Variants in GLIS3 observed in about 807,000 individuals in gnomAD.
GLIS3 encodes the protein GLIS family zinc finger 3, also known as zinc finger protein GLIS3.
GLIS3 carries 53 observed loss-of-function variants against 78.6 expected under a neutral mutation model. The ratio of observed to expected loss-of-function variants is 0.67; its 90% CI spans 0.54 to 0.85. The LOEUF (loss-of-function observed/expected upper bound fraction) is 0.85. GLIS3 is among the 40% of genes least tolerant of loss of function. The pLI is 0.00. For missense variants in GLIS3, 1,703 were observed against 1,231.1 expected (o/e 1.38, Z -5.74); for synonymous variants, 684 against 509.9 (o/e 1.34, Z -4.60).
the GLIS3 span, among the ~76,000 whole-genome samples, chr9:4,467,215 G>A: frequency 6.6e-6 from 1 of 152,202 alleles, no homozygotes; most frequent in South Asian, 2.1e-4. Flanking sequence ...GCAGGGAATA[G>A]CTGAACAAAA....
chr9:4,061,812 T>C (rs1826679140), intron 4 of GLIS3, among the ~76,000 whole-genome samples: 1 of 152,212 alleles, frequency 6.6e-6, no homozygotes, highest in African/African-American at 2.4e-5. Context: ...CCCTGAAGAA[T>C]TATGCAAGAA....
At chr9:4,102,967 A>G (rs1431685050) in intron 4 of GLIS3, among the ~76,000 whole-genome samples, 1 of 152,096 alleles carries the variant, frequency 6.6e-6, no homozygotes, top group South Asian at 2.1e-4. Flanking sequence ...GGAAAAATAC[A>G]TGTAAAATGA....
At chr9:4,371,407 C>G in the GLIS3 span, among the ~76,000 whole-genome samples, 5 of 152,358 alleles carry the variant, frequency 3.3e-5, no homozygotes, top group East Asian at 9.6e-4. Context: ...TCCTCCTCCC[C>G]ATAAGTGCTA....
chr9:4,017,438 GCA>G (rs145332819), intron 4 of GLIS3, among the ~76,000 whole-genome samples: 4 of 151,216 alleles, frequency 2.6e-5, no homozygotes, highest in Non-Finnish European at 3.0e-5. Context: ...AAGCTTGCGT[GCA>G]CACACACACA....
intron 2 of GLIS3, among the ~76,000 whole-genome samples, chr9:4,169,225 G>A (rs775101063): frequency 2.0e-5 from 3 of 152,142 alleles, no homozygotes; most frequent in Non-Finnish European, 2.9e-5. Flanking sequence ...AGGAAAGCAT[G>A]AGGAAAGTCA....
intron 4 of GLIS3, chr9:4,305,805 G>C (rs763015670): frequency 2.0e-5 from 3 of 152,170 alleles, no homozygotes; most frequent in Non-Finnish European, 4.4e-5. Context: ...CACACAGAAG[G>C]CTCACACTTG....
chr9:4,426,741 G>T, the GLIS3 span, among the ~76,000 whole-genome samples: 1 of 152,182 alleles, frequency 6.6e-6, no homozygotes, highest in African/African-American at 2.4e-5. Flanking sequence ...CTTGCTGTGT[G>T]ACCTTGTGGA....
chr9:4,023,220 C>T (rs1324983641), intron 4 of GLIS3, among the ~76,000 whole-genome samples: 1 of 152,178 alleles, frequency 6.6e-6, no homozygotes, highest in African/African-American at 2.4e-5. Flanking sequence ...TTTGAGCTAT[C>T]TGCATTATCT....
At chr9:4,203,334 C>G (rs1042262127) in intron 2 of GLIS3, among the ~76,000 whole-genome samples, 3 of 152,078 alleles carry the variant, frequency 2.0e-5, no homozygotes, top group East Asian at 3.9e-4. Flanking sequence ...TCAACAGATG[C>G]TAGTGAGGCT....
At chr9:3,953,223 T>C (rs1000137791) in intron 4 of GLIS3, among the ~76,000 whole-genome samples, 1 of 152,240 alleles carries the variant, frequency 6.6e-6, no homozygotes, top group Non-Finnish European at 1.5e-5. Context: ...AACTTGGATT[T>C]TCCATAGGGT....
chr9:4,268,165 T>C (rs1180471765), intron 2 of GLIS3, among the ~76,000 whole-genome samples: 5 of 152,206 alleles, frequency 3.3e-5, no homozygotes, highest in African/African-American at 7.2e-5. Flanking sequence ...TTACAGGCTG[T>C]ATGACCTTGC....
intron 9 of GLIS3, among the ~76,000 whole-genome samples, chr9:3,849,415 A>G (rs1819277822): frequency 1.3e-5 from 2 of 152,344 alleles, no homozygotes; most frequent in African/African-American, 2.4e-5. Context: ...GACTAAGAGT[A>G]CGCTTGTCCT....
At chr9:4,367,279 G>C in the GLIS3 span, among the ~76,000 whole-genome samples, 1 of 152,122 alleles carries the variant, frequency 6.6e-6, no homozygotes, top group Non-Finnish European at 1.5e-5. Context: ...TCTCCCTTCA[G>C]CATTTTCACA....
At chr9:4,223,428 T>A (rs188512195) in intron 2 of GLIS3, among the ~76,000 whole-genome samples, 2 of 152,190 alleles carry the variant, frequency 1.3e-5, no homozygotes, top group African/African-American at 4.8e-5. Flanking sequence ...CTCAATCGGA[T>A]TGCCTCACAA....
the GLIS3 span, among the ~76,000 whole-genome samples, chr9:4,380,994 G>A: frequency 1.5e-4 from 23 of 152,286 alleles, no homozygotes; most frequent in African/African-American, 5.3e-4. Flanking sequence ...AGGACAGGCA[G>A]AAATGGCCAG....
chr9:4,298,164 C>T (rs1357801611), intron 1 of GLIS3, among the ~76,000 whole-genome samples: 1 of 152,054 alleles, frequency 6.6e-6, no homozygotes, highest in African/African-American at 2.4e-5. Context: ...GCCCGGGCGC[C>T]GGGGACCTGC....
chr9:4,232,038 T>C (rs959420125), intron 2 of GLIS3, among the ~76,000 whole-genome samples: 1 of 152,204 alleles, frequency 6.6e-6, no homozygotes, highest in Non-Finnish European at 1.5e-5. Context: ...AGGATTTGTA[T>C]AATTTTAACT....
rs368046296 is a variant in GLIS3 at position 4,064,391 on chromosome 9, TA to T, written c.1710+53376del. On this transcript the variant is annotated intron_variant, in intron 4 of 10. Coordinates refer to ENST00000381971, the MANE Select transcript of GLIS3 (RefSeq NM_001042413.2). ...TTGATAGCTATGACTACCAAAAATT[TA>T]AAGCTTTTATACAACAAAGCACAGA... is the stretch of plus-strand genomic sequence containing the variant. Among the ~76,000 whole-genome samples the T allele has an allele frequency of 7.9e-3, 1,198 of 152,308 alleles. 15 individuals carry two copies. The highest frequency in any genetic ancestry group is 0.027 in the African/African-American group (1,143 of 41,566).
At chr9:3,850,643 A>T (rs1819369217) in intron 9 of GLIS3, among the ~76,000 whole-genome samples, 2 of 152,194 alleles carry the variant, frequency 1.3e-5, no homozygotes, top group African/African-American at 2.4e-5. Context: ...TGACTTTCCT[A>T]AAATACTGGG....
Sources: allele counts gnomAD v4.1 joint callset (sites outside exome capture counted in the v4.1 genomes callset), GRCh38; gene constraint gnomAD v4.1.1; transcripts MANE v1.5; gene names NCBI Gene and HGNC (gene_info 2026-07-23, HGNC 2026-07-21).